INPP4B: variants seen among roughly 807,000 people sequenced by gnomAD.
INPP4B encodes inositol polyphosphate-4-phosphatase type II B, also known as inositol polyphosphate 4-phosphatase type II.
In INPP4B, 55 loss-of-function variants were observed where a neutral mutation model predicts 122.5. That is an observed-to-expected ratio of 0.45 (90% CI 0.36 to 0.56). INPP4B has a LOEUF of 0.56. Among genes scored for constraint, INPP4B ranks in the 20% least tolerant of loss-of-function variants. The pLI is 0.00. For synonymous variants in INPP4B, 403 were observed against 388.7 expected, an observed-to-expected ratio of 1.04 and a Z score of -0.43; for missense variants, 1,000 against 1,097.7, an observed-to-expected ratio of 0.91 and a Z score of 1.26.
intron 15 of INPP4B, among the ~76,000 whole-genome samples, chr4:142,188,767 A>G (rs558410983): frequency 7.2e-5 from 11 of 152,106 alleles, no homozygotes; most frequent in African/African-American, 2.2e-4. Context: ...AAGAAATAAA[A>G]ATTTTTATTC....
intron 2 of INPP4B, among the ~76,000 whole-genome samples, chr4:142,690,150 T>C (rs1054100869): frequency 2.6e-5 from 4 of 152,190 alleles, no homozygotes. Flanking sequence ...CTTAGCATCC[T>C]TTTAAGATAC....
At chr4:142,655,436 G>A (rs1173313948) in intron 2 of INPP4B, among the ~76,000 whole-genome samples, 2 of 152,094 alleles carry the variant, frequency 1.3e-5, no homozygotes, top group Non-Finnish European at 2.9e-5. Context: ...CTAAGTAAAA[G>A]GATCATCCAT....
chr4:142,076,385 G>A (rs1770722855), intron 25 of INPP4B, among the ~76,000 whole-genome samples: 2 of 152,018 alleles, frequency 1.3e-5, no homozygotes, highest in Non-Finnish European at 2.9e-5. Flanking sequence ...TGATTTCTAA[G>A]ATGTGTATTC....
At chr4:142,042,550 GTATGTATGTATTTATTTATT>G (rs1748593399) in intron 25 of INPP4B, among the ~76,000 whole-genome samples, 3 of 28,882 alleles carry the variant, frequency 1.0e-4, no homozygotes, top group Non-Finnish European at 1.5e-4. Context: ...ATGTATGTAT[GTATGTATGTATTTATTTATT>G]TATTTATTTT....
intron 7 of INPP4B, among the ~76,000 whole-genome samples, chr4:142,368,864 G>A (rs557257332): frequency 4.6e-5 from 7 of 152,138 alleles, no homozygotes; most frequent in Middle Eastern, 6.8e-3. Flanking sequence ...AGCCCTTGGG[G>A]GAAACACAGG....
intron 5 of INPP4B, chr4:142,423,760 GA>G (rs892096781): frequency 4.7e-6 from 2 of 421,190 alleles, no homozygotes; most frequent in South Asian, 1.7e-5. Context: ...CGCTTCCATA[GA>G]AAAAAAACAG....
At position 142,366,387 on chromosome 4, in the gene INPP4B, A is replaced by G. The variant is rs2078184; in HGVS notation, c.372+36551T>C. ...AAAAAATGACAACCATAAATTTTGC[A>G]TAAAATATTAAAGAATAAATGGCTC... On this transcript the variant is annotated intron_variant, in intron 7 of 25. Coordinates refer to ENST00000262992, the MANE Select transcript of INPP4B (RefSeq NM_001101669.3). Among the ~76,000 whole-genome samples the G allele has an allele frequency of 5.8e-3, 888 of 152,244 alleles. 8 individuals carry two copies. The highest frequency in any genetic ancestry group is 0.02 in the African/African-American group (832 of 41,554).
intron 9 of INPP4B, among the ~76,000 whole-genome samples, chr4:142,297,846 C>T (rs1218693251): frequency 6.6e-6 from 1 of 152,174 alleles, no homozygotes; most frequent in Non-Finnish European, 1.5e-5. Flanking sequence ...GGCTGAGGGA[C>T]TTAGTAAGTT....
intron 2 of INPP4B, chr4:142,468,159 G>A (rs1818160360): frequency 6.6e-6 from 1 of 152,140 alleles, no homozygotes. Context: ...CCCTGAATGA[G>A]GTTTTCATAA....
chr4:142,190,717 A>AGTGT (rs374099702), intron 15 of INPP4B, among the ~76,000 whole-genome samples: 3,757 of 143,944 alleles, frequency 0.026, 64 homozygotes, highest in South Asian at 0.038. Flanking sequence ...GATCTGTAAG[A>AGTGT]GTGTGTGTGT....
At chr4:142,337,023 G>A (rs2627837) in intron 7 of INPP4B, among the ~76,000 whole-genome samples, 45,123 of 151,632 alleles carry the variant, frequency 0.3, 8,302 homozygotes, top group South Asian at 0.44. Context: ...AAACACAACA[G>A]TGTGGGTTTT....
chr4:142,090,670 C>A (rs1184240114), intron 23 of INPP4B, among the ~76,000 whole-genome samples: 1 of 151,768 alleles, frequency 6.6e-6, no homozygotes, highest in Non-Finnish European at 1.5e-5. Flanking sequence ...TTAGACAGGG[C>A]AGCTGAGTCT....
intron 2 of INPP4B, among the ~76,000 whole-genome samples, chr4:142,642,561 A>G (rs910934288): frequency 1.3e-5 from 2 of 152,216 alleles, no homozygotes; most frequent in African/African-American, 4.8e-5. Context: ...CAGGTTTGTC[A>G]AAGATCAGAT....
intron 1 of INPP4B, among the ~76,000 whole-genome samples, chr4:142,830,116 G>A (rs1043959855): frequency 6.6e-6 from 1 of 151,930 alleles, no homozygotes; most frequent in Admixed American, 6.6e-5. Flanking sequence ...CATTACAAGA[G>A]GTCAAGTCTA....
rs984660331 is a variant in INPP4B, at chr4:142,291,227, C to G, written c.503+14231G>C. 3.3e-5 allele frequency among the ~76,000 whole-genome samples: 5 copies of G among 152,176 alleles called. No homozygotes were observed. The East Asian group carries it at 9.6e-4, about 29-fold the overall frequency. On this transcript the variant is annotated intron_variant, in intron 9 of 25. Coordinates refer to ENST00000262992, the MANE Select transcript of INPP4B (RefSeq NM_001101669.3). ...GCAAAAATTACTTCCTTCCTCTCAT[C>G]TCTTACAAGATGGAGGAAATCATCA...
At chr4:142,506,633 G>A (rs977895789) in intron 2 of INPP4B, among the ~76,000 whole-genome samples, 2 of 152,156 alleles carry the variant, frequency 1.3e-5, no homozygotes, top group African/African-American at 2.4e-5. Context: ...GAACACAAGA[G>A]CGAAGTGGAG....
chr4:142,569,588 T>C (rs1417519241), intron 2 of INPP4B, among the ~76,000 whole-genome samples: 1 of 152,156 alleles, frequency 6.6e-6, no homozygotes, highest in Admixed American at 6.6e-5. Flanking sequence ...CTTGACACCG[T>C]GTATGCTGGT....
chr4:142,253,479 G>A (rs1035481835), intron 11 of INPP4B, among the ~76,000 whole-genome samples: 1 of 152,182 alleles, frequency 6.6e-6, no homozygotes, highest in African/African-American at 2.4e-5. Flanking sequence ...GAGAGTGGGC[G>A]CAGGTCAGTG....
At chr4:142,424,798 T>C (rs1020805590) in intron 5 of INPP4B, among the ~76,000 whole-genome samples, 3 of 152,010 alleles carry the variant, frequency 2.0e-5, no homozygotes, top group Non-Finnish European at 4.4e-5. Flanking sequence ...AATGAGATGG[T>C]GAAACAGGAA....
Sources: gnomAD v4.1 joint callset for allele counts (sites outside exome capture counted in the v4.1 genomes callset) on GRCh38, gnomAD v4.1.1 for gene constraint, MANE v1.5 for transcripts, NCBI Gene and HGNC (gene_info 2026-07-23, HGNC 2026-07-21) for gene names.